HERC1: variants seen among roughly 807,000 people sequenced by gnomAD.
HERC1 encodes probable E3 ubiquitin-protein ligase HERC1.
HERC1 carries 160 observed loss-of-function variants against 554.3 expected under a neutral mutation model. The ratio of observed to expected loss-of-function variants is 0.29; its 90% CI spans 0.25 to 0.33. The LOEUF (loss-of-function observed/expected upper bound fraction) is 0.33. Among genes scored for constraint, HERC1 ranks in the 10% least tolerant of loss-of-function variants. HERC1 has a pLI of 1.00. For synonymous variants in HERC1, 2,175 were observed against 2,131.7 expected (o/e 1.02, Z -0.56); for missense variants, 4,919 against 5,918.5 (o/e 0.83, Z 5.54).
In HERC1 at chr15:63,638,048, G is replaced by C. The variant is rs561071917; in HGVS notation, c.12093+363C>G. Among the ~76,000 whole-genome samples the C allele has an allele frequency of 4.6e-5, 7 of 152,278 alleles. No individual in the cohort carries two copies. The South Asian group carries it at 1.5e-3, about 32-fold the overall frequency. On this transcript the variant is annotated intron_variant, in intron 63 of 77. Transcript: ENST00000443617. ...AAGGGTTTGGCGCTATATCGTACCA[G>C]GATTATTAGAAAAGGGGAGTGGTCG...
At chr15:63,788,874 C>CAAA (rs1161447448) in intron 1 of HERC1, among the ~76,000 whole-genome samples, 3 of 67,382 alleles carry the variant, frequency 4.5e-5, no homozygotes, top group African/African-American at 1.5e-4. Flanking sequence ...GACTCCGTCT[C>CAAA]AAAAAAAAAA....
chr15:63,703,904 A>G (rs2072863030), intron 25 of HERC1, among the ~76,000 whole-genome samples: 1 of 151,006 alleles, frequency 6.6e-6, no homozygotes, highest in African/African-American at 2.4e-5. Context: ...GTGACAGAGC[A>G]AGACACTGTC....
chr15:63,822,603 T>A (rs1049794067), intron 1 of HERC1, among the ~76,000 whole-genome samples: 7 of 151,914 alleles, frequency 4.6e-5, no homozygotes, highest in African/African-American at 1.2e-4. Context: ...AAAAAATTTT[T>A]AAATAATAAT....
At chr15:63,628,269 G>T (rs1169313280) in intron 70 of HERC1, among the ~76,000 whole-genome samples, 1 of 152,132 alleles carries the variant, frequency 6.6e-6, no homozygotes, top group African/African-American at 2.4e-5. Context: ...GTGCATGCCT[G>T]TAGTCCCAGC....
At chr15:63,748,238 T>C (rs552527739) in intron 10 of HERC1, among the ~76,000 whole-genome samples, 2 of 152,032 alleles carry the variant, frequency 1.3e-5, no homozygotes, top group South Asian at 2.1e-4. Flanking sequence ...AAAATATATA[T>C]ATACATATAT....
At chr15:63,662,087 G>T in intron 44 of HERC1, 66 bp from the exon 45 acceptor site, 4 of 1,422,368 alleles carry the variant, frequency 2.8e-6, no homozygotes, top group South Asian at 1.3e-5. Flanking sequence ...GTACCAAGTA[G>T]ATTATTTATA....
At chr15:63,747,936 CAT>C (rs1228845853) in intron 10 of HERC1, 78 bp from the exon 11 acceptor site, 23 of 1,402,022 alleles carry the variant, frequency 1.6e-5, no homozygotes, top group African/African-American at 4.3e-5. Context: ...AAAATTAAAA[CAT>C]ATATTGGCTG....
At chr15:63,770,144 C>CCGG (rs1023385041) in intron 2 of HERC1, among the ~76,000 whole-genome samples, 5 of 152,120 alleles carry the variant, frequency 3.3e-5, no homozygotes. Context: ...TCCATACATC[C>CCGG]CGGGGCTTGC....
chr15:63,788,594 T>C (rs977820655), intron 1 of HERC1, among the ~76,000 whole-genome samples: 6 of 152,194 alleles, frequency 3.9e-5, no homozygotes, highest in Non-Finnish European at 8.8e-5. Context: ...GTGGATTTCA[T>C]AATCTATAAT....
chr15:63,816,047 G>A (rs1354450662), intron 1 of HERC1, among the ~76,000 whole-genome samples: 1 of 151,386 alleles, frequency 6.6e-6, no homozygotes, highest in African/African-American at 2.4e-5. Flanking sequence ...AGGGATTATG[G>A]GAACTAAAAT....
At chr15:63,681,342 C>T (rs1456298131) in intron 34 of HERC1, among the ~76,000 whole-genome samples, 1 of 152,106 alleles carries the variant, frequency 6.6e-6, no homozygotes, top group Non-Finnish European at 1.5e-5. Flanking sequence ...ACTAGGACTA[C>T]AGGTGTACAC....
At chr15:63,617,256 A>C (rs1421364566) in intron 74 of HERC1, among the ~76,000 whole-genome samples, 1 of 152,048 alleles carries the variant, frequency 6.6e-6, no homozygotes, top group African/African-American at 2.4e-5. Context: ...TGAGAACACG[A>C]AGTGTTTGGT....
intron 68 of HERC1, 106 bp from the exon 69 acceptor site, chr15:63,630,741 G>A (rs2068512930): frequency 4.5e-6 from 5 of 1,111,548 alleles, no homozygotes; most frequent in African/African-American, 3.1e-5. Context: ...GAATGGCAAT[G>A]ACACATATAA....
chr15:63,625,929 G>C (rs550919679), intron 71 of HERC1, 56 bp downstream of exon 71: 2 of 1,547,322 alleles, frequency 1.3e-6, no homozygotes, highest in Non-Finnish European at 1.8e-6. Flanking sequence ...AGCATGTCAC[G>C]GGCACTGCTT....
rs1401264336 is a variant in HERC1 at position 63,656,183 on chromosome 15, G to C, written c.9775C>G (p.Pro3259Ala). ...SRGGHSKANK[P>A]ISCLAYLSTA... is the part of the protein sequence containing the mutation. Reference sequence around the variant, plus strand: ...CTCAAATAGGCCAGGCAAGAGATAGGCTTGTTAGCCTTGCTATGCCCACCT... The same window carrying C: ...CTCAAATAGGCCAGGCAAGAGATAGCCTTGTTAGCCTTGCTATGCCCACCT... Residue 3259 changes from proline (P) to alanine (A), a missense_variant, in exon 49 of 78, where the codon CCT becomes GCT. By Grantham distance (27) the Pro-to-Ala change is conservative. Around this residue, in one of 11 missense-constraint regions of HERC1, gnomAD observed 1,963 missense variants for 2,228.6 expected, o/e 0.88. Coordinates refer to ENST00000443617, the MANE Select transcript of HERC1 (RefSeq NM_003922.4). 2 of 1,612,710 alleles carry C rather than the reference G, an allele frequency of 1.2e-6. No individual in the cohort carries two copies. Among genetic ancestry groups the C allele is most frequent in the African/African-American group, 1.3e-5 (1 of 75,020 alleles).
intron 19 of HERC1, among the ~76,000 whole-genome samples, chr15:63,721,838 T>A: frequency 6.6e-6 from 1 of 152,150 alleles, no homozygotes; most frequent in Non-Finnish European, 1.5e-5. Flanking sequence ...TGAAAATATG[T>A]ACATAAAATT....
At chr15:63,823,866 C>T (rs568734566) in intron 1 of HERC1, among the ~76,000 whole-genome samples, 7 of 152,168 alleles carry the variant, frequency 4.6e-5, no homozygotes, top group East Asian at 3.9e-4. Context: ...AAAATGAAAA[C>T]GTAGCCTACG....
chr15:63,806,202 G>C (rs999982944), intron 1 of HERC1, among the ~76,000 whole-genome samples: 1 of 148,974 alleles, frequency 6.7e-6, no homozygotes, highest in Non-Finnish European at 1.5e-5. Flanking sequence ...GTCTTGCTCT[G>C]TTGCCCAGGC....
intron 8 of HERC1, among the ~76,000 whole-genome samples, chr15:63,752,128 A>T (rs1437155166): frequency 6.6e-6 from 1 of 152,220 alleles, no homozygotes; most frequent in Non-Finnish European, 1.5e-5. Flanking sequence ...CAACTAGCTA[A>T]TGTAATGATG....
Sources: allele counts gnomAD v4.1 joint callset (sites outside exome capture counted in the v4.1 genomes callset), GRCh38; gene constraint gnomAD v4.1.1; regional missense constraint gnomAD v4.1.1; transcripts MANE v1.5; gene names NCBI Gene and HGNC (gene_info 2026-07-23, HGNC 2026-07-21).